The following ATP10B variants were observed in gnomAD, a reference collection of about 807,000 sequenced individuals.
The protein encoded by ATP10B is ATPase phospholipid transporting 10B (putative), also known as phospholipid-transporting ATPase VB.
ATP10B carries 122 observed loss-of-function variants against 141.2 expected under a neutral mutation model. That is an observed-to-expected ratio of 0.86 (90% confidence interval 0.75 to 1.00). ATP10B has a LOEUF of 1.00. Among genes scored for constraint, ATP10B ranks in the 50% least tolerant of loss-of-function variants. ATP10B has a pLI of 0.00. For missense variants in ATP10B, 1,876 were observed against 1,825.3 expected (o/e 1.03, Z -0.51); for synonymous variants, 685 against 692.0 (o/e 0.99, Z 0.16).
At position 160,670,596 on chromosome 5, in the gene ATP10B, T is replaced by C. The variant is rs1309250649; in HGVS notation, c.542A>G (p.Asn181Ser). The part of the protein sequence containing the change: ...RVGDFIQMKC[N>S]EIVPADILLL... ...GAGTATGTCTGCTGGGACAATCTCA[T>C]TGCATTTCATTTGGATGAAGTCTCC... Residue 181 changes from asparagine to serine, a missense_variant, in exon 7 of 26, where the codon AAT (asparagine) becomes AGT (serine). Physicochemically the swap from Asn to Ser is conservative, Grantham distance 46. Transcript: ENST00000327245. 2.5e-6 allele frequency: 4 copies of C among 1,613,798 alleles called. No homozygotes were observed. Among genetic ancestry groups the C allele is most frequent in the East Asian group, 2.2e-5 (1 of 44,884 alleles).
intron 23 of ATP10B, 39 bp from the exon 24 acceptor site, chr5:160,589,735 T>C (rs375045279): frequency 1.3e-6 from 2 of 1,506,348 alleles, no homozygotes; most frequent in African/African-American, 1.4e-5. Context: ...CAGGTATGTC[T>C]GTGGACTAAC....
At chr5:160,650,118 T>TTA (rs147437606) in intron 7 of ATP10B, among the ~76,000 whole-genome samples, 7,246 of 146,014 alleles carry the variant, frequency 0.05, 302 homozygotes, top group African/African-American at 0.11. Context: ...AAAAAAAATT[T>TTA]TATATATATA....
At chr5:160,772,588 T>A (rs1273564189) in intron 2 of ATP10B, among the ~76,000 whole-genome samples, 1 of 152,294 alleles carries the variant, frequency 6.6e-6, no homozygotes, top group East Asian at 1.9e-4. Flanking sequence ...ATTAGATTCT[T>A]GTAAGGAGCG....
At chr5:160,734,182 C>T (rs926463169) in intron 2 of ATP10B, among the ~76,000 whole-genome samples, 4 of 150,944 alleles carry the variant, frequency 2.6e-5, no homozygotes, top group South Asian at 2.1e-4. Flanking sequence ...AATTTGTTAC[C>T]TATACTGTAG....
At chr5:160,690,980 G>T (rs1262894378) in intron 3 of ATP10B, among the ~76,000 whole-genome samples, 1 of 152,154 alleles carries the variant, frequency 6.6e-6, no homozygotes. Flanking sequence ...TGATAGACTG[G>T]ATAAAGAAAA....
At chr5:160,912,019 T>TA in the ATP10B span, among the ~76,000 whole-genome samples, 1 of 151,374 alleles carries the variant, frequency 6.6e-6, no homozygotes, top group Non-Finnish European at 1.5e-5. Flanking sequence ...GAAGACAAAG[T>TA]AAAACCACTA....
At chr5:160,693,721 G>A (rs929035436) in intron 3 of ATP10B, among the ~76,000 whole-genome samples, 1 of 152,198 alleles carries the variant, frequency 6.6e-6, no homozygotes, top group African/African-American at 2.4e-5. Flanking sequence ...TTCCACCTCA[G>A]ATTATCAGGC....
chr5:160,829,742 G>T (rs1396338121), intron 1 of ATP10B, among the ~76,000 whole-genome samples: 3 of 151,806 alleles, frequency 2.0e-5, no homozygotes, highest in Non-Finnish European at 4.4e-5. Context: ...CATATTCTTC[G>T]ACTCTTAGCC....
chr5:160,862,477 C>T, the ATP10B span, among the ~76,000 whole-genome samples: 1 of 151,948 alleles, frequency 6.6e-6, no homozygotes, highest in African/African-American at 2.4e-5. Flanking sequence ...TTCACTGATA[C>T]CTCCTACAGG....
the ATP10B span, among the ~76,000 whole-genome samples, chr5:160,895,252 G>A: frequency 2.6e-5 from 4 of 151,850 alleles, no homozygotes; most frequent in Non-Finnish European, 4.4e-5. Context: ...AGAAGACACA[G>A]ACTGACAAAT....
chr5:160,636,248 A>G lies in ATP10B; in HGVS notation c.1062T>C (p.Asn354=), dbSNP rs771971659. 4 of 1,613,678 alleles carry G rather than the reference A, an allele frequency of 2.5e-6. No individual in the cohort carries two copies. The highest frequency in any genetic ancestry group is 3.4e-6 in the Non-Finnish European group (4 of 1,179,824). ...CAAGGGCACTGGGAAGGAAGCTGCC[A>G]TTGGCATCTGGCACATCGAAGGGAG... ...EHPPFDVPDA[N]GSFLPSALGG... is the part of the protein sequence containing the mutation. Residue 354 remains asparagine, a synonymous_variant, in exon 11 of 26, where the codon AAT becomes AAC. Transcript: ENST00000327245.
In ATP10B at chr5:160,612,732, T is replaced by C. The variant is rs1757786982; in HGVS notation, c.2838+9A>G. On this transcript the variant is annotated intron_variant, in intron 18 of 25. Transcript: ENST00000327245. ...TATCTGCAGATATCAATACAGAGAA[T>C]CACCTCACCTGATTCTCTGTATTGA... 5.0e-6 allele frequency: 8 copies of C among 1,609,828 alleles called. No homozygotes were observed. The highest frequency in any genetic ancestry group is 5.9e-6 in the Non-Finnish European group (7 of 1,177,024).
chr5:160,762,534 C>A (rs933305341), intron 2 of ATP10B, among the ~76,000 whole-genome samples: 37 of 151,992 alleles, frequency 2.4e-4, no homozygotes, highest in African/African-American at 8.9e-4. Context: ...ACTACCAAGC[C>A]AGCACTACAA....
At chr5:160,762,412 C>A (rs182652583) in intron 2 of ATP10B, among the ~76,000 whole-genome samples, 1 of 152,130 alleles carries the variant, frequency 6.6e-6, no homozygotes, top group Non-Finnish European at 1.5e-5. Flanking sequence ...TATCGTTAGC[C>A]TCCTTAACAA....
chr5:160,886,010 T>A, the ATP10B span, among the ~76,000 whole-genome samples: 1 of 152,200 alleles, frequency 6.6e-6, no homozygotes, highest in African/African-American at 2.4e-5. Context: ...GTTAAATGTG[T>A]AAATGACAGT....
chr5:160,885,161 AATAAATGAATAC>A, the ATP10B span, among the ~76,000 whole-genome samples: 1 of 152,246 alleles, frequency 6.6e-6, no homozygotes, highest in East Asian at 1.9e-4. Flanking sequence ...GTATTTGTTG[AATAAATGAATAC>A]ATAAGTGAAT....
intron 3 of ATP10B, among the ~76,000 whole-genome samples, chr5:160,695,884 G>T (rs149305830): frequency 6.6e-6 from 1 of 151,116 alleles, no homozygotes; most frequent in African/African-American, 2.4e-5. Context: ...TGTGTAAATC[G>T]CAGGAAAAAA....
At chr5:160,821,915 C>G (rs1438358723) in intron 1 of ATP10B, among the ~76,000 whole-genome samples, 2 of 151,932 alleles carry the variant, frequency 1.3e-5, no homozygotes, top group African/African-American at 4.8e-5. Context: ...CTACTGAAAG[C>G]AAACATTAAG....
chr5:160,656,073 C>T (rs182394897), intron 7 of ATP10B, among the ~76,000 whole-genome samples: 157 of 152,286 alleles, frequency 1.0e-3, no homozygotes, highest in East Asian at 2.9e-3. Flanking sequence ...ATTTCCCTTG[C>T]GCTTGCCTCA....
Sources: gnomAD v4.1 joint callset for allele counts (sites outside exome capture counted in the v4.1 genomes callset) on GRCh38, gnomAD v4.1.1 for gene constraint, MANE v1.5 for transcripts, NCBI Gene and HGNC (gene_info 2026-07-23, HGNC 2026-07-21) for gene names.